CAMK1D: variants seen among roughly 807,000 people sequenced by gnomAD.
CAMK1D encodes calcium/calmodulin-dependent protein kinase type 1D.
Under a neutral mutation model 47.7 loss-of-function variants are expected in CAMK1D, and 9 were observed. The observed-to-expected ratio is 0.19, with a 90% confidence interval of 0.11 to 0.33. The LOEUF is 0.33. CAMK1D is among the 10% of genes least tolerant of loss of function. CAMK1D has a pLI of 1.00. For synonymous variants in CAMK1D, 184 were observed against 184.9 expected (o/e 0.99, Z 0.04); for missense variants, 291 against 488.7 (o/e 0.60, Z 3.81).
At chr10:12,380,517 G>A (rs184767235) in intron 1 of CAMK1D, among the ~76,000 whole-genome samples, 2 of 152,126 alleles carry the variant, frequency 1.3e-5, no homozygotes, top group African/African-American at 4.8e-5. Flanking sequence ...CGGAAAAAAG[G>A]GAAGGATTTT....
intron 10 of CAMK1D, 60 bp from the exon 11 acceptor site, chr10:12,828,709 G>A (rs1833348805): frequency 7.1e-7 from 1 of 1,411,796 alleles, no homozygotes; most frequent in Non-Finnish European, 1.0e-6. Context: ...CCTGGCAGTG[G>A]GAAGCAGGGT....
chr10:12,766,616 C>T (rs1020913439), intron 4 of CAMK1D, among the ~76,000 whole-genome samples: 3 of 152,006 alleles, frequency 2.0e-5, no homozygotes, highest in Admixed American at 1.3e-4. Context: ...TATTGGGCTG[C>T]TTTTTGTTAG....
At chr10:12,798,173 T>G (rs1460909746) in intron 6 of CAMK1D, among the ~76,000 whole-genome samples, 1 of 152,246 alleles carries the variant, frequency 6.6e-6, no homozygotes, top group Non-Finnish European at 1.5e-5. Flanking sequence ...GAGAAACATT[T>G]TACTTCCTGT....
intron 1 of CAMK1D, among the ~76,000 whole-genome samples, chr10:12,399,060 T>C (rs1839075710): frequency 6.6e-6 from 1 of 152,190 alleles, no homozygotes; most frequent in South Asian, 2.1e-4. Context: ...AGGTCTCTCT[T>C]GAGTGGAAGG....
intron 3 of CAMK1D, among the ~76,000 whole-genome samples, chr10:12,669,473 T>C (rs1840541014): frequency 6.6e-6 from 1 of 152,220 alleles, no homozygotes; most frequent in Admixed American, 6.5e-5. Context: ...TTAGATATGC[T>C]AATTTAAAAA....
chr10:12,590,025 A>G (rs1256300397), intron 2 of CAMK1D, among the ~76,000 whole-genome samples: 1 of 152,182 alleles, frequency 6.6e-6, no homozygotes, highest in Non-Finnish European at 1.5e-5. Context: ...ATAATATGCT[A>G]AAAACACAAC....
chr10:12,433,424 G>A (rs912205980), intron 1 of CAMK1D, among the ~76,000 whole-genome samples: 4 of 150,882 alleles, frequency 2.7e-5, no homozygotes, highest in African/African-American at 7.3e-5. Flanking sequence ...TTTAATATTT[G>A]TTTATTCAAA....
intron 6 of CAMK1D, among the ~76,000 whole-genome samples, chr10:12,800,793 T>C (rs565604612): frequency 6.6e-6 from 1 of 152,274 alleles, no homozygotes; most frequent in African/African-American, 2.4e-5. Flanking sequence ...CACACAAAGA[T>C]CAAACTTCTA....
chr10:12,696,602 T>C (rs1455028035), intron 3 of CAMK1D, among the ~76,000 whole-genome samples: 2 of 152,202 alleles, frequency 1.3e-5, no homozygotes, highest in African/African-American at 4.8e-5. Context: ...AATAGCCGTC[T>C]CCTTCAGTTG....
intron 1 of CAMK1D, among the ~76,000 whole-genome samples, chr10:12,520,179 C>T (rs1835361768): frequency 1.3e-5 from 1 of 74,078 alleles, no homozygotes; most frequent in Admixed American, 1.4e-4. Flanking sequence ...TCAGACGGGG[C>T]GGTTGCCAGG....
Position 12,667,780 on chromosome 10 carries a change from C to A in CAMK1D, c.299+970C>A, listed in dbSNP as rs565857199. On this transcript the variant is annotated intron_variant, in intron 3 of 10. Transcript: ENST00000619168. The stretch of plus-strand genomic sequence containing the variant: ...CACAATTTCTTTTCCATAGATTTTT[C>A]TTTTCCTTATGAATGTTTGAACAAC... Among the ~76,000 whole-genome samples the A allele has an allele frequency of 1.8e-4, 27 of 152,228 alleles. 1 individual carries two copies. The South Asian group carries it at 4.6e-3, about 26-fold the overall frequency.
intron 3 of CAMK1D, among the ~76,000 whole-genome samples, chr10:12,741,296 T>C (rs577360806): frequency 6.6e-6 from 1 of 152,348 alleles, no homozygotes; most frequent in East Asian, 1.9e-4. Context: ...CACATGCTCT[T>C]GTAACAGTTA....
At chr10:12,388,719 G>A (rs371972702) in intron 1 of CAMK1D, among the ~76,000 whole-genome samples, 2 of 152,286 alleles carry the variant, frequency 1.3e-5, no homozygotes, top group South Asian at 4.1e-4. Flanking sequence ...CTCAAAGACA[G>A]CTCCGTCATT....
At chr10:12,806,613 C>G (rs1372793611) in intron 6 of CAMK1D, among the ~76,000 whole-genome samples, 1 of 152,214 alleles carries the variant, frequency 6.6e-6, no homozygotes, top group Non-Finnish European at 1.5e-5. Context: ...GAGGCTCCTC[C>G]CCTCTTTCAA....
At chr10:12,797,196 CTT>C (rs66641899) in intron 6 of CAMK1D, among the ~76,000 whole-genome samples, 7 of 137,498 alleles carry the variant, frequency 5.1e-5, no homozygotes, top group Admixed American at 7.3e-5. Context: ...TGACCAGTTC[CTT>C]TTTTTTTTTT....
chr10:12,743,067 G>A (rs1835501837), intron 3 of CAMK1D, among the ~76,000 whole-genome samples: 1 of 152,216 alleles, frequency 6.6e-6, no homozygotes, highest in Admixed American at 6.5e-5. Flanking sequence ...ACAAGGCTGG[G>A]TGCCGTGGCT....
At chr10:12,651,756 G>A (rs1186912873) in intron 2 of CAMK1D, among the ~76,000 whole-genome samples, 1 of 151,698 alleles carries the variant, frequency 6.6e-6, no homozygotes. Flanking sequence ...TTAGGACAAA[G>A]GAGCTCATTA....
chr10:12,686,963 A>G (rs934558551), intron 3 of CAMK1D, among the ~76,000 whole-genome samples: 8 of 152,168 alleles, frequency 5.3e-5, no homozygotes, highest in African/African-American at 1.9e-4. Flanking sequence ...TTATTTTCAT[A>G]CCACCAATAA....
intron 2 of CAMK1D, among the ~76,000 whole-genome samples, chr10:12,560,138 C>G (rs2132288037): frequency 6.6e-6 from 1 of 152,236 alleles, no homozygotes; most frequent in South Asian, 2.1e-4. Flanking sequence ...CTCTGGAAAT[C>G]TAGCCTGCCC....
Sources: allele counts gnomAD v4.1 joint callset (sites outside exome capture counted in the v4.1 genomes callset), GRCh38; gene constraint gnomAD v4.1.1; transcripts MANE v1.5; gene names NCBI Gene and HGNC (gene_info 2026-07-23, HGNC 2026-07-21).